The following TGM2 variants were observed in gnomAD, a reference collection of about 807,000 sequenced individuals.
TGM2 encodes the protein transglutaminase 2, also known as protein-glutamine gamma-glutamyltransferase 2.
In TGM2, 53 loss-of-function variants were observed where a neutral mutation model predicts 75.6. That is an observed-to-expected ratio of 0.70 (90% CI 0.56 to 0.88). The LOEUF is 0.88. Among genes scored for constraint, TGM2 ranks in the 40% least tolerant of loss-of-function variants. The probability of loss-of-function intolerance (pLI) is 0.00; values close to 1 mark genes in which losing one functional copy is unlikely to be tolerated. For synonymous variants in TGM2, 374 were observed against 381.1 expected (o/e 0.98, Z 0.22); for missense variants, 842 against 928.5 (o/e 0.91, Z 1.21).
At chr20:38,136,974 TTGGG>T (rs966684960) in intron 10 of TGM2, among the ~76,000 whole-genome samples, 7 of 152,104 alleles carry the variant, frequency 4.6e-5, no homozygotes, top group African/African-American at 1.7e-4. Context: ...CGGGGCTGGG[TTGGG>T]TGGTCTAATG....
At position 38,147,943 on chromosome 20, in the gene TGM2, GCCATGCCACTCACTCA is replaced by G. The variant is rs1568693411; in HGVS notation, c.681+2_681+17del. On this transcript the variant is annotated splice_donor_variant and splice_donor_5th_base_variant and intron_variant, in intron 5 of 12. Transcript: ENST00000361475. LOFTEE classifies it high-confidence loss of function. Reference sequence around the variant, plus strand: ...CCCTGTAGGCCCCGCCCCTGGATGGGCCATGCCACTCACTCACCATGCCACTCACCACCCGGCCCAC... The same window carrying G: ...CCCTGTAGGCCCCGCCCCTGGATGGGCCATGCCACTCACCACCCGGCCCAC... 16 of 1,604,882 alleles carry G rather than the reference GCCATGCCACTCACTCA, an allele frequency of 1.0e-5. No individual in the cohort carries two copies. Among genetic ancestry groups the G allele is most frequent in the Non-Finnish European group, 1.3e-5 (15 of 1,176,768 alleles).
Position 38,129,936 on chromosome 20 carries a change from G to GA in TGM2, c.*282dup. 1 of 505,722 alleles carries GA rather than the reference G, an allele frequency of 2.0e-6. No individual in the cohort carries two copies. The highest frequency in any genetic ancestry group is 3.6e-6 in the Non-Finnish European group (1 of 279,276). The allele number at this position is 505,722 out of a possible 1,614,324, so 31.3% of individuals were successfully genotyped here. ...CCAAAGGGCATCTGGGCAGGAGAGG[G>GA]AATGTAGGTCTTTCCTCTCTCACCC... On this transcript the variant is annotated 3_prime_UTR_variant, in exon 13 of 13. Coordinates refer to ENST00000361475, the MANE Select transcript of TGM2 (RefSeq NM_004613.4).
At chr20:38,134,842 T>C (rs1299789131) in intron 10 of TGM2, among the ~76,000 whole-genome samples, 1 of 152,192 alleles carries the variant, frequency 6.6e-6, no homozygotes, top group Non-Finnish European at 1.5e-5. Flanking sequence ...CCCCAGATCT[T>C]ATCATCAAAG....
chr20:38,146,409 G>C, intron 6 of TGM2: 1 of 471,362 alleles, frequency 2.1e-6, no homozygotes, highest in Non-Finnish European at 3.9e-6. Context: ...AGCAAGTGGT[G>C]GGAGGGAGGG....
rs111420640 is a variant in TGM2 at position 38,135,404 on chromosome 20, T to TACACACACACACACACAC, written c.1615+2691_1615+2708dup. Among the ~76,000 whole-genome samples, 1,240 of 147,408 alleles carry TACACACACACACACACAC rather than the reference T, an allele frequency of 8.4e-3. 13 individuals carry two copies. Among genetic ancestry groups the TACACACACACACACACAC allele is most frequent in the East Asian group, 0.047 (230 of 4,922 alleles). On this transcript the variant is annotated intron_variant, in intron 10 of 12. Transcript: ENST00000361475. ...ACCGCACTTGGACCTCCTAAATGTA[T>TACACACACACACACACAC]ACACACACACACACACACACACACA...
Position 38,141,262 on chromosome 20 carries a change from G to T in TGM2, c.1099+20C>A, listed in dbSNP as rs371085989. On this transcript the variant is annotated intron_variant, in intron 8 of 12. Coordinates refer to ENST00000361475, the MANE Select transcript of TGM2 (RefSeq NM_004613.4). ...CTCGTCTTCCCCATCTGTTTGACGC[G>T]ACAGTGCCCGCCCACGCACCTTCGC... The T allele has an allele frequency of 1.3e-6, 2 of 1,547,986 alleles. No homozygotes were observed. The highest frequency in any genetic ancestry group is 1.2e-5 in the South Asian group (1 of 84,154).
In TGM2 at chr20:38,129,757, C is replaced by T. The variant is rs537837299; in HGVS notation, c.*462G>A. On this transcript the variant is annotated 3_prime_UTR_variant, in exon 13 of 13. Coordinates refer to ENST00000361475, the MANE Select transcript of TGM2 (RefSeq NM_004613.4). ...CACCCAGCTCTGGCTGTCCCAAGGG[C>T]CCCTGGAGCTGGGTGCAGTCATGGG... is the stretch of plus-strand genomic sequence containing the variant. The T allele has an allele frequency of 2.9e-5, 5 of 170,258 alleles. No homozygotes were observed. Among genetic ancestry groups the T allele is most frequent in the Non-Finnish European group, 2.6e-5 (2 of 78,172 alleles). The allele number at this position is 170,258 out of a possible 1,614,324, so 10.5% of individuals were successfully genotyped here. A position where few individuals can be genotyped will look rare whatever the true frequency, so the allele number is the denominator to read the frequency against.
chr20:38,139,910 A>G (rs1257356626), intron 8 of TGM2, among the ~76,000 whole-genome samples: 13 of 152,200 alleles, frequency 8.5e-5, no homozygotes, highest in Non-Finnish European at 1.8e-4. Flanking sequence ...AACTTCTCGA[A>G]GCGGCAGTTT....
At chr20:38,145,220 A>C (rs1247836260) in intron 6 of TGM2, 2 of 152,086 alleles carry the variant, frequency 1.3e-5, no homozygotes, top group African/African-American at 4.8e-5. Context: ...GGTGTGGAGG[A>C]TGTGCTGGGG....
chr20:38,132,723 C>A, intron 10 of TGM2: 1 of 669,792 alleles, frequency 1.5e-6, no homozygotes. Flanking sequence ...TGGACTCCCA[C>A]GGGCCTTGGT....
intron 12 of TGM2, 116 bp downstream of exon 12, chr20:38,130,977 T>C: frequency 6.6e-7 from 1 of 1,518,318 alleles, no homozygotes; most frequent in South Asian, 1.2e-5. Context: ...CACAGCTGTG[T>C]GGGAGATGAG....
rs45574733 is a variant in TGM2, at chr20:38,156,879, T to C, written c.191-790A>G. On this transcript the variant is annotated intron_variant, in intron 2 of 12. Coordinates refer to ENST00000361475, the MANE Select transcript of TGM2 (RefSeq NM_004613.4). ...AAAGGTCGCATCTGAAGTGGGTCTT[T>C]AGCTCTCAGTTGTCTTCTACGGTGC... Among the ~76,000 whole-genome samples the C allele has an allele frequency of 2.6e-5, 4 of 152,332 alleles. No homozygotes were observed. The East Asian group carries it at 5.8e-4, about 22-fold the overall frequency.
In TGM2 at chr20:38,155,983, G is replaced by T; in HGVS notation, c.297C>A (p.Thr99=). ...CCGGGGTGGTGAGCTGCAGCGAGAG[G>T]GTGCAGTCTTGCTGGTCCACCACGG... ...TATVVDQQDC[T]LSLQLTTPAN... is the part of the protein sequence containing the mutation. The change falls in exon 3 of 13, where the codon ACC becomes ACA. Residue 99 remains threonine, a synonymous_variant. Coordinates refer to ENST00000361475, the MANE Select transcript of TGM2 (RefSeq NM_004613.4). 1 of 1,613,610 alleles carries T rather than the reference G, an allele frequency of 6.2e-7. No homozygotes were observed. Among genetic ancestry groups the T allele is most frequent in the South Asian group, 1.1e-5 (1 of 90,870 alleles).
Position 38,165,252 on chromosome 20 carries a change from A to G in TGM2, c.-54T>C, listed in dbSNP as rs952519548. 11 of 1,610,394 alleles carry G rather than the reference A, an allele frequency of 6.8e-6. No individual in the cohort carries two copies. The highest frequency in any genetic ancestry group is 6.8e-6 in the Non-Finnish European group (8 of 1,179,604). ...CTGGCGGCGAGACCCTCCAAGTGCG[A>G]CCACTGGCGGCTGGCACTGCCGAGG... On this transcript the variant is annotated 5_prime_UTR_variant, in exon 1 of 13. Coordinates refer to ENST00000361475, the MANE Select transcript of TGM2 (RefSeq NM_004613.4).
intron 10 of TGM2, among the ~76,000 whole-genome samples, chr20:38,134,175 C>G (rs17789761): frequency 0.15 from 23,261 of 152,064 alleles, 1,905 homozygotes; most frequent in East Asian, 0.29. Flanking sequence ...CAGGCTTTGA[C>G]CTTGAACCTT....
intron 12 of TGM2, 138 bp from the exon 13 acceptor site, chr20:38,130,507 G>A (rs924372670): frequency 3.8e-5 from 36 of 954,796 alleles, no homozygotes; most frequent in Middle Eastern, 6.5e-4. Flanking sequence ...GGCCCTCTGC[G>A]GGGCCTGGAC....
chr20:38,153,585 A>G (rs921643351), intron 3 of TGM2, among the ~76,000 whole-genome samples: 7 of 151,696 alleles, frequency 4.6e-5, no homozygotes, highest in African/African-American at 1.7e-4. Flanking sequence ...ATGTGGACAG[A>G]GCCTCACGGT....
rs2074949843 is a variant in TGM2 at position 38,139,872 on chromosome 20, ATTAGCTGGTGAC to A, written c.1100-230_1100-219del. The stretch of plus-strand genomic sequence containing the variant: ...GGTTCAAATCCCAGCTCAGCCTGTT[ATTAGCTGGTGAC>A]TTTGGGCCAGTCACTAACTTCTCGA... On this transcript the variant is annotated intron_variant, in intron 8 of 12. Transcript: ENST00000361475. Among the ~76,000 whole-genome samples, 4 of 152,202 alleles carry A rather than the reference ATTAGCTGGTGAC, an allele frequency of 2.6e-5. No individual in the cohort carries two copies. In the South Asian group the frequency reaches 8.3e-4, roughly 31 times the overall value.
intron 2 of TGM2, 71 bp downstream of exon 2, chr20:38,161,349 T>C (rs2075249051): frequency 6.3e-7 from 1 of 1,577,330 alleles, no homozygotes; most frequent in Non-Finnish European, 8.7e-7. Flanking sequence ...GTCAGGGTTC[T>C]GGGGCATGTC....
Sources: allele counts gnomAD v4.1 joint callset (sites outside exome capture counted in the v4.1 genomes callset), GRCh38; gene constraint gnomAD v4.1.1; transcripts MANE v1.5; gene names NCBI Gene and HGNC (gene_info 2026-07-23, HGNC 2026-07-21).